The following LPP variants were observed in gnomAD, a reference collection of about 807,000 sequenced individuals.
The protein encoded by LPP is lipoma-preferred partner.
LPP carries 38 observed loss-of-function variants against 60.4 expected under a neutral mutation model. The observed-to-expected ratio is 0.63, with a 90% confidence interval of 0.49 to 0.83. The LOEUF is 0.83. Ranked by LOEUF, LPP falls within the 40% of genes least tolerant of loss-of-function variation. The pLI is 0.00. For synonymous variants in LPP, 328 were observed against 290.8 expected, an observed-to-expected ratio of 1.13 and a Z score of -1.30; for missense variants, 902 against 783.6, an observed-to-expected ratio of 1.15 and a Z score of -1.80.
chr3:188,708,999 T>G (rs1037584190), intron 8 of LPP: 13 of 152,232 alleles, frequency 8.5e-5, no homozygotes, highest in African/African-American at 3.1e-4. Flanking sequence ...GGTCTAAAGA[T>G]TCAAGTAAAA....
chr3:188,469,175 A>C (rs1579140741), intron 4 of LPP, among the ~76,000 whole-genome samples: 2 of 152,154 alleles, frequency 1.3e-5, no homozygotes, highest in East Asian at 3.9e-4. Flanking sequence ...TTCTTGGATG[A>C]AGAACATCCA....
chr3:188,715,453 C>A (rs536668039), intron 8 of LPP, among the ~76,000 whole-genome samples: 1 of 141,814 alleles, frequency 7.1e-6, no homozygotes, highest in Non-Finnish European at 1.5e-5. Context: ...AATTTAGAGT[C>A]AATTCAGAGC....
intron 2 of LPP, among the ~76,000 whole-genome samples, chr3:188,246,862 A>G (rs1484354862): frequency 6.6e-6 from 1 of 152,226 alleles, no homozygotes; most frequent in Non-Finnish European, 1.5e-5. Context: ...TTAATAATTT[A>G]TTGACATCTG....
chr3:188,847,294 T>C (rs1296362549), intron 9 of LPP, among the ~76,000 whole-genome samples: 1 of 152,238 alleles, frequency 6.6e-6, no homozygotes, highest in African/African-American at 2.4e-5. Flanking sequence ...TCAGGACTGA[T>C]GAAAACCTAA....
chr3:188,728,922 C>G (rs895678977), intron 8 of LPP, among the ~76,000 whole-genome samples: 4 of 151,252 alleles, frequency 2.6e-5, no homozygotes, highest in African/African-American at 9.7e-5. Flanking sequence ...TCTCTGCCCC[C>G]AAGAAGTCCA....
intron 2 of LPP, among the ~76,000 whole-genome samples, chr3:188,331,174 T>C (rs1042771697): frequency 3.3e-5 from 5 of 152,296 alleles, no homozygotes; most frequent in Admixed American, 6.5e-5. Context: ...CCCATGGATA[T>C]GTTGAATAGA....
At chr3:188,806,005 A>G (rs927394879) in intron 9 of LPP, among the ~76,000 whole-genome samples, 1 of 151,882 alleles carries the variant, frequency 6.6e-6, no homozygotes, top group African/African-American at 2.4e-5. Context: ...AATATGGTAT[A>G]TCTTGGTTAA....
chr3:188,203,563 A>T (rs1490528952), intron 1 of LPP, among the ~76,000 whole-genome samples: 1 of 102,198 alleles, frequency 9.8e-6, no homozygotes, highest in Non-Finnish European at 1.8e-5. Flanking sequence ...TTAAATATAT[A>T]TAAATATATA....
At chr3:188,393,015 G>A (rs1463003262) in intron 3 of LPP, among the ~76,000 whole-genome samples, 5 of 127,948 alleles carry the variant, frequency 3.9e-5, no homozygotes, top group Non-Finnish European at 6.4e-5. Context: ...GCATTTGGAT[G>A]TATTTTAGAC....
chr3:188,484,685 A>T lies in LPP; in HGVS notation c.287A>T (p.Glu96Val). ...GNFPPPPPLDEEAFKVQGNPG... is the reference protein window; with the variant it reads ...GNFPPPPPLDVEAFKVQGNPG... ...TTTCCTCCTCCACCACCTCTTGATG[A>T]AGAGGCTTTCAAAGTACAGGTAAGA... Residue 96 changes from glutamate (E) to valine (V), a missense_variant, in exon 5 of 12, where the codon GAA becomes GTA. Transcript: ENST00000617246. The T allele has an allele frequency of 6.2e-7, 1 of 1,612,008 alleles. No homozygotes were observed. The highest frequency in any genetic ancestry group is 8.5e-7 in the Non-Finnish European group (1 of 1,178,154).
rs143280721 is a variant in LPP, at chr3:188,731,465, T to C, written c.1240+23072T>C. ...TGGTAAGTTATTAGAAGCTGAGCTA[T>C]AATTTTCCTTGGCATTGGTCATTTT... is the stretch of plus-strand genomic sequence containing the variant. On this transcript the variant is annotated intron_variant, in intron 8 of 11. Coordinates refer to ENST00000617246, the MANE Select transcript of LPP (RefSeq NM_001375462.1). Among the ~76,000 whole-genome samples, 753 of 145,588 alleles carry C rather than the reference T, an allele frequency of 5.2e-3. 19 individuals are homozygous for C. Among genetic ancestry groups the C allele is most frequent in the East Asian group, 0.036 (186 of 5,184 alleles).
In LPP at chr3:188,889,470, C is replaced by G. The variant is rs35827609; in HGVS notation, c.*14991C>G. ...ACTTGCCAAGTCGTTCCCTTTCCTT[C>G]TAAGTCAGTTGGCTCCATATTCACT... On this transcript the variant is annotated 3_prime_UTR_variant, in exon 12 of 12. Transcript: ENST00000617246. 0.035 allele frequency: 8,038 copies of G among 231,330 alleles called. 176 individuals are homozygous for G. Among genetic ancestry groups the G allele is most frequent in the Non-Finnish European group, 0.051 (5,939 of 116,742 alleles). The allele number at this position is 231,330 out of a possible 1,614,324, so 14.3% of individuals were successfully genotyped here. A position where few individuals can be genotyped will look rare whatever the true frequency, so the allele number is the denominator to read the frequency against.
intron 4 of LPP, among the ~76,000 whole-genome samples, chr3:188,410,317 C>T (rs1380203865): frequency 2.0e-5 from 3 of 152,180 alleles, no homozygotes; most frequent in Non-Finnish European, 4.4e-5. Flanking sequence ...CCTTCCTATG[C>T]CCATTCTTTG....
intron 9 of LPP, among the ~76,000 whole-genome samples, chr3:188,760,878 A>T (rs975520990): frequency 6.6e-6 from 1 of 152,202 alleles, no homozygotes; most frequent in Non-Finnish European, 1.5e-5. Context: ...TGAGCTAATC[A>T]TTGTTTTCTT....
intron 7 of LPP, among the ~76,000 whole-genome samples, chr3:188,611,187 A>G (rs1354413738): frequency 1.3e-5 from 2 of 152,216 alleles, no homozygotes; most frequent in East Asian, 3.8e-4. Context: ...GAGAAATCCT[A>G]TAGCCTTATG....
intron 6 of LPP, among the ~76,000 whole-genome samples, chr3:188,595,394 C>T (rs1269661390): frequency 6.6e-6 from 1 of 152,174 alleles, no homozygotes; most frequent in African/African-American, 2.4e-5. Context: ...AATGAATGAA[C>T]CCCCATCAGT....
intron 9 of LPP, among the ~76,000 whole-genome samples, chr3:188,767,981 T>A (rs1459834594): frequency 2.6e-5 from 4 of 152,040 alleles, no homozygotes; most frequent in Non-Finnish European, 5.9e-5. Context: ...AAACATTTGG[T>A]TAAGATAACC....
intron 4 of LPP, among the ~76,000 whole-genome samples, chr3:188,463,882 G>A (rs1347337606): frequency 6.6e-6 from 1 of 152,114 alleles, no homozygotes; most frequent in East Asian, 1.9e-4. Context: ...TTCACACTAA[G>A]CATTCATGGC....
At chr3:188,781,171 A>G (rs571209726) in intron 9 of LPP, among the ~76,000 whole-genome samples, 7 of 152,368 alleles carry the variant, frequency 4.6e-5, no homozygotes, top group Admixed American at 2.6e-4. Context: ...ATGTCAAATA[A>G]AATTATATTT....
Sources: gnomAD v4.1 joint callset for allele counts (sites outside exome capture counted in the v4.1 genomes callset) on GRCh38, gnomAD v4.1.1 for gene constraint, MANE v1.5 for transcripts, NCBI Gene and HGNC (gene_info 2026-07-23, HGNC 2026-07-21) for gene names.